GALNT13: variants seen among roughly 807,000 people sequenced by gnomAD.
GALNT13 encodes the protein polypeptide N-acetylgalactosaminyltransferase 13.
GALNT13 carries 28 observed loss-of-function variants against 64.2 expected under a neutral mutation model. The observed-to-expected ratio is 0.44, with a 90% CI of 0.32 to 0.60. The LOEUF is 0.60. GALNT13 is among the 20% of genes least tolerant of loss of function. The pLI is 0.05. For synonymous variants in GALNT13, 214 were observed against 224.6 expected (o/e 0.95, Z 0.42); for missense variants, 577 against 669.8 (o/e 0.86, Z 1.53).
rs1701967022 is a variant in GALNT13, at chr2:154,453,899, A to G, written c.*3348A>G. 1 of 152,138 alleles carries G rather than the reference A, an allele frequency of 6.6e-6. No individual in the cohort carries two copies. Among genetic ancestry groups the G allele is most frequent in the Admixed American group, 6.6e-5 (1 of 15,258 alleles). The allele number at this position is 152,138 out of a possible 1,614,324, so 9.4% of individuals were successfully genotyped here. ...TTCCTAATATTCTTCACATTAAACT[A>G]TGGACTCTAATTTTCTGGATAAAAT... On this transcript the variant is annotated 3_prime_UTR_variant, in exon 13 of 13. Coordinates refer to ENST00000392825, the MANE Select transcript of GALNT13 (RefSeq NM_052917.4).
intron 4 of GALNT13, among the ~76,000 whole-genome samples, chr2:154,199,840 T>G (rs887714286): frequency 6.6e-6 from 1 of 152,048 alleles, no homozygotes; most frequent in African/African-American, 2.4e-5. Context: ...GTAAGTAATC[T>G]TTTATCTGAA....
At chr2:153,384,122 C>G in the GALNT13 span, among the ~76,000 whole-genome samples, 1 of 151,982 alleles carries the variant, frequency 6.6e-6, no homozygotes, top group Non-Finnish European at 1.5e-5. Flanking sequence ...GTGTCAAATT[C>G]AATGACTTCT....
chr2:153,867,049 T>TTA, upstream of GALNT13, among the ~76,000 whole-genome samples: 1 of 152,324 alleles, frequency 6.6e-6, no homozygotes, highest in South Asian at 2.1e-4. Context: ...TGCCCGTGCA[T>TTA]TATAAGAACA....
chr2:154,056,961 CTAAAG>C (rs200336091), intron 3 of GALNT13, among the ~76,000 whole-genome samples: 1,910 of 151,910 alleles, frequency 0.013, 37 homozygotes, highest in African/African-American at 0.044. Context: ...CTACCTAAAA[CTAAAG>C]AAAACATTAA....
the GALNT13 span, among the ~76,000 whole-genome samples, chr2:153,830,751 C>A: frequency 2.0e-5 from 3 of 152,064 alleles, no homozygotes; most frequent in Non-Finnish European, 2.9e-5. Context: ...AAACTTGTTC[C>A]TAGGTATCAT....
intron 4 of GALNT13, among the ~76,000 whole-genome samples, chr2:154,147,027 T>C (rs1187644756): frequency 1.3e-5 from 2 of 152,118 alleles, no homozygotes; most frequent in African/African-American, 2.4e-5. Context: ...TTAGTTTAAT[T>C]CACAAGCCCC....
chr2:154,391,026 G>A (rs941818847), intron 9 of GALNT13, among the ~76,000 whole-genome samples: 2 of 152,092 alleles, frequency 1.3e-5, no homozygotes, highest in African/African-American at 4.8e-5. Context: ...CTTAATCTTG[G>A]CTTGGCCTCT....
At chr2:153,360,380 C>A in the GALNT13 span, among the ~76,000 whole-genome samples, 1 of 152,248 alleles carries the variant, frequency 6.6e-6, no homozygotes, top group Non-Finnish European at 1.5e-5. Flanking sequence ...CAGCTGGAAT[C>A]TGCTTAAGCT....
At chr2:154,184,547 T>A (rs943627591) in intron 4 of GALNT13, among the ~76,000 whole-genome samples, 1 of 152,162 alleles carries the variant, frequency 6.6e-6, no homozygotes, top group Non-Finnish European at 1.5e-5. Context: ...TCATTTACAG[T>A]TTCCTCTTTG....
intron 3 of GALNT13, among the ~76,000 whole-genome samples, chr2:154,048,023 A>G (rs2105340264): frequency 6.6e-6 from 1 of 152,310 alleles, no homozygotes; most frequent in Admixed American, 6.5e-5. Context: ...TTGGCTCATG[A>G]TTCAGCAGGC....
At chr2:153,375,950 G>C in the GALNT13 span, among the ~76,000 whole-genome samples, 1 of 152,086 alleles carries the variant, frequency 6.6e-6, no homozygotes, top group Non-Finnish European at 1.5e-5. Flanking sequence ...ATGAAGGAGA[G>C]CTGATATTGG....
chr2:153,207,872 C>T, the GALNT13 span, among the ~76,000 whole-genome samples: 4 of 152,126 alleles, frequency 2.6e-5, no homozygotes, highest in African/African-American at 4.8e-5. Context: ...GAGTTGTGTA[C>T]AACTTGCAGA....
chr2:153,862,282 C>T, the GALNT13 span, among the ~76,000 whole-genome samples: 1 of 152,108 alleles, frequency 6.6e-6, no homozygotes, highest in Non-Finnish European at 1.5e-5. Flanking sequence ...GTTGATATAA[C>T]TAAAGGCCTG....
chr2:154,423,116 A>C lies in GALNT13; in HGVS notation c.1395+14034A>C, dbSNP rs543230283. 1.5e-4 allele frequency among the ~76,000 whole-genome samples: 19 copies of C among 126,450 alleles called. No homozygotes were observed. In the Admixed American group the frequency reaches 1.7e-3, roughly 11 times the overall value. The allele number at this position is 126,450 out of a possible 152,430, so 83.0% of individuals were successfully genotyped here. On this transcript the variant is annotated intron_variant, in intron 11 of 12. Transcript: ENST00000392825. ...TGTGATGTTCCCTGCCCTGTGTCCA[A>C]GTGTTCTCATTGTTCATTTCTCACC...
the GALNT13 span, among the ~76,000 whole-genome samples, chr2:153,555,536 G>A: frequency 3.0e-4 from 46 of 152,158 alleles, no homozygotes; most frequent in Non-Finnish European, 5.3e-4. Context: ...AGTTATAAAA[G>A]CCTGGATAAG....
chr2:153,713,286 C>T, the GALNT13 span, among the ~76,000 whole-genome samples: 2 of 152,246 alleles, frequency 1.3e-5, no homozygotes, highest in East Asian at 3.9e-4. Flanking sequence ...ATTCATTTCT[C>T]CTGGACTAAC....
At chr2:153,449,089 A>G in the GALNT13 span, among the ~76,000 whole-genome samples, 13 of 152,088 alleles carry the variant, frequency 8.5e-5, no homozygotes, top group African/African-American at 3.1e-4. Flanking sequence ...GTACCAAGGA[A>G]AGGCCATGTG....
chr2:153,672,492 C>A, the GALNT13 span, among the ~76,000 whole-genome samples: 2 of 152,166 alleles, frequency 1.3e-5, no homozygotes, highest in South Asian at 4.1e-4. Flanking sequence ...TAAAGAAGTT[C>A]TTTGAAACCA....
the GALNT13 span, among the ~76,000 whole-genome samples, chr2:153,333,261 A>G: frequency 6.6e-6 from 1 of 152,202 alleles, no homozygotes; most frequent in Non-Finnish European, 1.5e-5. Flanking sequence ...TTCCCAAGAC[A>G]GCTCCAGTGT....
Sources: gnomAD v4.1 joint callset for allele counts (sites outside exome capture counted in the v4.1 genomes callset) on GRCh38, gnomAD v4.1.1 for gene constraint, MANE v1.5 for transcripts, NCBI Gene and HGNC (gene_info 2026-07-23, HGNC 2026-07-21) for gene names.